Variants in SDS observed in about 807,000 individuals in gnomAD.
SDS encodes L-serine dehydratase/L-threonine deaminase.
SDS carries 19 observed loss-of-function variants against 29.3 expected under a neutral mutation model. The observed-to-expected ratio is 0.65, with a 90% CI of 0.45 to 0.95. The LOEUF (loss-of-function observed/expected upper bound fraction) is 0.95. SDS is among the 40% of genes least tolerant of loss of function. The pLI is 0.00. For missense variants in SDS, 375 were observed against 439.9 expected (o/e 0.85, Z 1.32); for synonymous variants, 176 against 189.0 (o/e 0.93, Z 0.56).
rs1284448957 is a variant in SDS, at chr12:113,392,937, G to A, written c.*4C>T. On this transcript the variant is annotated 3_prime_UTR_variant, in exon 8 of 8. Transcript: ENST00000257549. ...GAGAGCACAGATCGGTAAGGGGTCC[G>A]TCCTCACTTGGGCAACCTATTTGTC... is the stretch of plus-strand genomic sequence containing the variant. 9 of 1,613,594 alleles carry A rather than the reference G, an allele frequency of 5.6e-6. No homozygotes were observed. Among genetic ancestry groups the A allele is most frequent in the Admixed American group, 5.0e-5 (3 of 59,964 alleles).
chr12:113,393,567 T>C (rs892595711), intron 7 of SDS, among the ~76,000 whole-genome samples: 2 of 152,122 alleles, frequency 1.3e-5, no homozygotes, highest in African/African-American at 2.4e-5. Flanking sequence ...TCTGAATGAA[T>C]CAAACTCTGA....
chr12:113,399,379 C>T (rs1957669951), intron 2 of SDS, 177 bp downstream of exon 2: 2 of 896,754 alleles, frequency 2.2e-6, no homozygotes, highest in African/African-American at 1.7e-5. Flanking sequence ...TCCCAAGGAA[C>T]CCTCCTGGAA....
rs1254568739 is a variant in SDS, at chr12:113,392,732, C to G, written c.*209G>C. ...AAGTTGGCTAAGGATGGGCACAGAG[C>G]AGTCACACAGATACCAAAAAGGTCC... is the stretch of plus-strand genomic sequence containing the variant. On this transcript the variant is annotated 3_prime_UTR_variant, in exon 8 of 8. Coordinates refer to ENST00000257549, the MANE Select transcript of SDS (RefSeq NM_006843.3). 5 of 600,110 alleles carry G rather than the reference C, an allele frequency of 8.3e-6. No homozygotes were observed. Among genetic ancestry groups the G allele is most frequent in the Non-Finnish European group, 1.5e-5 (5 of 340,142 alleles). The allele number at this position is 600,110 out of a possible 1,614,324, so 37.2% of individuals were successfully genotyped here. A position where few individuals can be genotyped will look rare whatever the true frequency, so the allele number is the denominator to read the frequency against.
intron 6 of SDS, among the ~76,000 whole-genome samples, chr12:113,396,479 T>TC (rs1565869366): frequency 1.2e-4 from 6 of 50,808 alleles, no homozygotes; most frequent in East Asian, 4.9e-4. Flanking sequence ...TTTTCTTTCT[T>TC]TCTCTCTCTT....
rs1957695695 is a variant in SDS, at chr12:113,403,224, T to TC, written c.-3+543dup. ...TCACTGCAGACTCGACCTCTTGGGC[T>TC]CCAGCGATCCTCCCAACTCAGCCTT... On this transcript the variant is annotated intron_variant, in intron 1 of 7. Transcript: ENST00000257549. Among the ~76,000 whole-genome samples, 14 of 152,276 alleles carry TC rather than the reference T, an allele frequency of 9.2e-5. No homozygotes were observed. In the South Asian group the frequency reaches 2.5e-3, roughly 27 times the overall value.
At position 113,397,302 on chromosome 12, in the gene SDS, C is replaced by T. The variant is rs758505126; in HGVS notation, c.516G>A (p.Leu172=). ...AIALSVGGGG[L]LCGVVQGLQE... ...GCAGCCCCTGGACCACTCCACACAG[C>T]AGGCCCCCGCCGCCCACTGACAGCG... The change falls in exon 6 of 8, where the codon CTG becomes CTA. Residue 172 remains leucine, a synonymous_variant. Transcript: ENST00000257549. 2 of 1,614,156 alleles carry T rather than the reference C, an allele frequency of 1.2e-6. No homozygotes were observed. Among genetic ancestry groups the T allele is most frequent in the Non-Finnish European group, 1.7e-6 (2 of 1,179,986 alleles).
chr12:113,400,815 A>G (rs949980460), intron 1 of SDS, among the ~76,000 whole-genome samples: 4 of 152,010 alleles, frequency 2.6e-5, no homozygotes, highest in Non-Finnish European at 5.9e-5. Flanking sequence ...GCACAGTTTG[A>G]TGTTTTACCA....
intron 1 of SDS, among the ~76,000 whole-genome samples, chr12:113,401,583 A>C (rs1390192411): frequency 6.6e-6 from 1 of 152,116 alleles, no homozygotes; most frequent in Non-Finnish European, 1.5e-5. Context: ...AGCAACAGGA[A>C]GGGGAATATT....
chr12:113,398,701 A>G lies in SDS; in HGVS notation c.333+6T>C. ...TCTCTCTTCCTTGCCCTGGGTCGGC[A>G]CTCACCTCACCCACCACCTTGACTG... On this transcript the variant is annotated splice_donor_region_variant and intron_variant, in intron 4 of 7. Coordinates refer to ENST00000257549, the MANE Select transcript of SDS (RefSeq NM_006843.3). 1 of 1,613,772 alleles carries G rather than the reference A, an allele frequency of 6.2e-7. No homozygotes were observed. The highest frequency in any genetic ancestry group is 1.1e-5 in the South Asian group (1 of 91,044).
At chr12:113,398,684 C>T in intron 4 of SDS, 23 bp downstream of exon 4, 1 of 1,612,428 alleles carries the variant, frequency 6.2e-7, no homozygotes, top group Non-Finnish European at 8.5e-7. Flanking sequence ...CCTCTCTCTT[C>T]CTTGCCCTGG....
chr12:113,398,556 C>G lies in SDS; in HGVS notation c.384G>C (p.Pro128=), dbSNP rs941702914. Residue 128 remains proline (P), a synonymous_variant, in exon 5 of 8, where the codon CCG becomes CCC. Transcript: ENST00000257549. ...ELAKALAKNN[P]GWVYIPPFDD... is the part of the protein sequence containing the mutation. ...CAAAGGGGGGAATGTAGACCCAACC[C>G]GGGTTGTTCTTCGCTAGGGCCTTGG... 13 of 1,594,644 alleles carry G rather than the reference C, an allele frequency of 8.2e-6. No individual in the cohort carries two copies. The highest frequency in any genetic ancestry group is 1.1e-5 in the Non-Finnish European group (13 of 1,170,594).
At chr12:113,396,773 G>A (rs1439279083) in intron 6 of SDS, 2 of 246,210 alleles carry the variant, frequency 8.1e-6, no homozygotes, top group Admixed American at 9.5e-5. Flanking sequence ...CTATGCGTGT[G>A]TGCTACCACG....
intron 2 of SDS, 116 bp downstream of exon 2, chr12:113,399,440 G>T: frequency 1.6e-6 from 2 of 1,243,078 alleles, no homozygotes; most frequent in Non-Finnish European, 2.2e-6. Flanking sequence ...CAGTCCTTGC[G>T]GGGAGTCAGT....
At chr12:113,398,204 G>A (rs1439928844) in intron 5 of SDS, among the ~76,000 whole-genome samples, 1 of 151,918 alleles carries the variant, frequency 6.6e-6, no homozygotes, top group Non-Finnish European at 1.5e-5. Flanking sequence ...CCTAGGAGCT[G>A]GGATTACAGG....
At chr12:113,394,778 G>A (rs1356984225) in intron 6 of SDS, among the ~76,000 whole-genome samples, 8 of 152,060 alleles carry the variant, frequency 5.3e-5, no homozygotes, top group African/African-American at 1.2e-4. Flanking sequence ...CTTTTGCTCC[G>A]GGTTACAACC....
chr12:113,402,244 G>A (rs947565777), intron 1 of SDS, among the ~76,000 whole-genome samples: 4 of 152,094 alleles, frequency 2.6e-5, no homozygotes, highest in South Asian at 2.1e-4. Flanking sequence ...TCCCCAAATC[G>A]GCATGAACTT....
intron 5 of SDS, 150 bp downstream of exon 5, chr12:113,398,365 C>T (rs943277187): frequency 3.1e-5 from 18 of 577,602 alleles, no homozygotes; most frequent in African/African-American, 2.8e-4. Flanking sequence ...GCCACTGTGC[C>T]CCGCCTAAGT....
In SDS at chr12:113,398,861, G is replaced by C; in HGVS notation, c.194-15C>G. The C allele has an allele frequency of 6.3e-7, 1 of 1,589,884 alleles. No individual in the cohort carries two copies. Among genetic ancestry groups the C allele is most frequent in the Non-Finnish European group, 8.6e-7 (1 of 1,168,668 alleles). On this transcript the variant is annotated splice_polypyrimidine_tract_variant and intron_variant, in intron 3 of 7. Coordinates refer to ENST00000257549, the MANE Select transcript of SDS (RefSeq NM_006843.3). Reference sequence around the variant, plus strand: ...TGCGTTGCCCGCTGCCAGGGTCGGGGGTGGAGAGCGTGTCAGTGCGGGAGC... The same window carrying C: ...TGCGTTGCCCGCTGCCAGGGTCGGGCGTGGAGAGCGTGTCAGTGCGGGAGC...
Position 113,393,066 on chromosome 12 carries a change from C to T in SDS, c.862G>A (p.Glu288Lys), listed in dbSNP as rs776668699. ...GGCAGCGGGGTTCGGAGATTCCCCTCCAGTTGGAGCTTCTGGATCACGTGG... is the reference window on the plus strand; with the variant it reads ...GGCAGCGGGGTTCGGAGATTCCCCTTCAGTTGGAGCTTCTGGATCACGTGG... ...YSHVIQKLQL[E>K]GNLRTPLPSL... The change falls in exon 8 of 8, where the codon GAG (glutamate) becomes AAG (lysine). Residue 288 changes from glutamate to lysine, a missense_variant. Transcript: ENST00000257549. The T allele has an allele frequency of 6.2e-7, 1 of 1,614,238 alleles. No homozygotes were observed. The highest frequency in any genetic ancestry group is 8.5e-7 in the Non-Finnish European group (1 of 1,180,042).
Sources: allele counts gnomAD v4.1 joint callset (sites outside exome capture counted in the v4.1 genomes callset), GRCh38; gene constraint gnomAD v4.1.1; transcripts MANE v1.5; gene names NCBI Gene and HGNC (gene_info 2026-07-23, HGNC 2026-07-21).